The following TBC1D5 variants were observed in gnomAD, a reference collection of about 807,000 sequenced individuals.
TBC1D5 encodes the protein TBC1 domain family member 5, also known as TBC1 domain family, member 5.
Under a neutral mutation model 100.3 loss-of-function variants are expected in TBC1D5, and 75 were observed. The ratio of observed to expected loss-of-function variants is 0.75; its 90% CI spans 0.62 to 0.91. The LOEUF (loss-of-function observed/expected upper bound fraction) is 0.91. Ranked by LOEUF, TBC1D5 falls within the 40% of genes least tolerant of loss-of-function variation. TBC1D5 has a pLI of 0.00. For missense variants in TBC1D5, 910 were observed against 942.4 expected, an observed-to-expected ratio of 0.97 and a Z score of 0.45; for synonymous variants, 323 against 325.6, an observed-to-expected ratio of 0.99 and a Z score of 0.09.
In TBC1D5 at chr3:17,509,744, G is replaced by C. The variant is rs1210234765; in HGVS notation, c.-35-1139C>G. Reference sequence around the variant, plus strand: ...AGTTGTATGACATTTTTGTGACATAGGTAACTTTTTACATGCTCAAATGTA... The same window carrying C: ...AGTTGTATGACATTTTTGTGACATACGTAACTTTTTACATGCTCAAATGTA... On this transcript the variant is annotated intron_variant, in intron 2 of 21. Coordinates refer to ENST00000253692, the Ensembl canonical transcript of TBC1D5. Among the ~76,000 whole-genome samples the C allele has an allele frequency of 2.0e-5, 3 of 151,938 alleles. No homozygotes were observed. In the East Asian group the frequency reaches 5.8e-4, roughly 29 times the overall value.
chr3:17,363,683 G>A (rs547077215), intron 13 of TBC1D5, among the ~76,000 whole-genome samples: 178 of 151,666 alleles, frequency 1.2e-3, no homozygotes, highest in Admixed American at 1.7e-3. Context: ...AAAGCGCTGC[G>A]ATTATAAGCA....
At position 17,739,637 on chromosome 3, in the gene TBC1D5, T is replaced by A. The variant is rs149261224; in HGVS notation, c.-395A>T. ...TGCAAGCAAAACGAAACTGCAAATT[T>A]CAGTATCTCACTCAGAAAAGATTAC... On this transcript the variant is annotated 5_prime_UTR_variant, in exon 1 of 22. Coordinates refer to ENST00000253692, the Ensembl canonical transcript of TBC1D5. The A allele has an allele frequency of 3.3e-5, 5 of 152,320 alleles. No individual in the cohort carries two copies. In the East Asian group the frequency reaches 9.6e-4, roughly 29 times the overall value. The allele number at this position is 152,320 out of a possible 1,614,324, so 9.4% of individuals were successfully genotyped here. A position where few individuals can be genotyped will look rare whatever the true frequency, so the allele number is the denominator to read the frequency against.
At chr3:17,477,768 A>G (rs528527946) in intron 3 of TBC1D5, among the ~76,000 whole-genome samples, 2 of 152,186 alleles carry the variant, frequency 1.3e-5, no homozygotes, top group African/African-American at 4.8e-5. Context: ...AATGTTTACT[A>G]TATTGTTTAA....
At chr3:17,528,477 C>T (rs1178131112) in intron 2 of TBC1D5, among the ~76,000 whole-genome samples, 1 of 152,148 alleles carries the variant, frequency 6.6e-6, no homozygotes, top group Non-Finnish European at 1.5e-5. Context: ...CTTGATCTTG[C>T]ACTTCCTAGC....
At chr3:17,219,886 T>C (rs1246897946) in intron 17 of TBC1D5, among the ~76,000 whole-genome samples, 1 of 152,100 alleles carries the variant, frequency 6.6e-6, no homozygotes, top group Non-Finnish European at 1.5e-5. Context: ...TTGTCACTGT[T>C]CTTATGACTT....
In TBC1D5 at chr3:17,401,291, GTATGTGTATAATACACATA is replaced by G. The variant is rs1178740220; in HGVS notation, c.509+1871_509+1889del. On this transcript the variant is annotated intron_variant, in intron 8 of 21. Coordinates refer to ENST00000253692, the Ensembl canonical transcript of TBC1D5. The stretch of plus-strand genomic sequence containing the variant: ...GTATGTGTATAATACACATATATAT[GTATGTGTATAATACACATA>G]TATATGTATGTGTATAATATACATA... Among the ~76,000 whole-genome samples, 7 of 145,622 alleles carry G rather than the reference GTATGTGTATAATACACATA, an allele frequency of 4.8e-5. 2 individuals are homozygous for G. The highest frequency in any genetic ancestry group is 1.0e-4 in the Non-Finnish European group (7 of 66,930).
At chr3:17,157,481 G>T (rs2065683843) in exon 22 of TBC1D5, 1 of 152,266 alleles carries the variant, frequency 6.6e-6, no homozygotes, top group East Asian at 1.9e-4. Context: ...AGGAAGCCTG[G>T]CTTGCCAGGT....
At chr3:17,690,998 A>T (rs2071075543) in intron 1 of TBC1D5, among the ~76,000 whole-genome samples, 1 of 152,262 alleles carries the variant, frequency 6.6e-6, no homozygotes, top group Non-Finnish European at 1.5e-5. Flanking sequence ...AAAGTACAGT[A>T]TACATATAAG....
In TBC1D5 at chr3:17,367,318, T is replaced by C. The variant is rs539085250; in HGVS notation, c.995+4757A>G. Among the ~76,000 whole-genome samples, 7 of 152,308 alleles carry C rather than the reference T, an allele frequency of 4.6e-5. No individual in the cohort carries two copies. The South Asian group carries it at 8.3e-4, about 18-fold the overall frequency. ...ACATGATGTGTGATCAGTGATAGAA[T>C]TGTAACGCAAATATTTTAGATGCTT... On this transcript the variant is annotated intron_variant, in intron 13 of 21. Coordinates refer to ENST00000253692, the Ensembl canonical transcript of TBC1D5.
intron 17 of TBC1D5, among the ~76,000 whole-genome samples, chr3:17,221,153 G>A (rs372158647): frequency 6.6e-6 from 1 of 152,122 alleles, no homozygotes; most frequent in East Asian, 1.9e-4. Flanking sequence ...TTAATTCCCA[G>A]AGTCTATGAA....
At chr3:17,576,241 T>C (rs1034538598) in intron 2 of TBC1D5, among the ~76,000 whole-genome samples, 3 of 151,980 alleles carry the variant, frequency 2.0e-5, no homozygotes, top group Admixed American at 1.3e-4. Context: ...CTTAAAAAAA[T>C]GATGGGGGTT....
chr3:17,522,787 G>A (rs571767580), intron 2 of TBC1D5, among the ~76,000 whole-genome samples: 10 of 152,216 alleles, frequency 6.6e-5, no homozygotes, highest in Non-Finnish European at 1.2e-4. Flanking sequence ...TACCGTAATA[G>A]AATGTCTAAA....
chr3:17,568,639 A>C (rs563967307), intron 2 of TBC1D5, among the ~76,000 whole-genome samples: 41 of 151,698 alleles, frequency 2.7e-4, no homozygotes, highest in African/African-American at 9.2e-4. Flanking sequence ...AATAAAAAGG[A>C]ACTTTTTGTT....
At chr3:17,355,673 T>C (rs1196186371) in intron 13 of TBC1D5, among the ~76,000 whole-genome samples, 2 of 152,122 alleles carry the variant, frequency 1.3e-5, no homozygotes, top group Admixed American at 1.3e-4. Flanking sequence ...CCAAAATTTA[T>C]ACATGAAATG....
chr3:17,533,696 T>C (rs887755151), intron 2 of TBC1D5, among the ~76,000 whole-genome samples: 1 of 152,196 alleles, frequency 6.6e-6, no homozygotes, highest in East Asian at 1.9e-4. Context: ...CAGCTACGAA[T>C]GTGAATTACA....
At chr3:17,695,101 A>C (rs2071802922) in intron 1 of TBC1D5, among the ~76,000 whole-genome samples, 1 of 152,228 alleles carries the variant, frequency 6.6e-6, no homozygotes, top group Admixed American at 6.5e-5. Flanking sequence ...AGGAAGCACT[A>C]AACACGGAAA....
At chr3:17,729,568 G>A (rs888978787) in intron 1 of TBC1D5, among the ~76,000 whole-genome samples, 5 of 152,054 alleles carry the variant, frequency 3.3e-5, no homozygotes, top group Admixed American at 1.3e-4. Context: ...TTAGCTGGGC[G>A]TTGTGGTACG....
intron 2 of TBC1D5, among the ~76,000 whole-genome samples, chr3:17,551,152 T>C (rs947779336): frequency 2.0e-5 from 3 of 152,142 alleles, no homozygotes; most frequent in Admixed American, 6.6e-5. Context: ...GGCTACACCA[T>C]TGCTTTGCAG....
intron 3 of TBC1D5, among the ~76,000 whole-genome samples, chr3:17,449,377 G>C (rs1053887956): frequency 8.5e-5 from 13 of 152,280 alleles, no homozygotes; most frequent in African/African-American, 2.6e-4. Context: ...GAATGCCAGA[G>C]AGAGAGAATT....
Sources: gnomAD v4.1 joint callset for allele counts (sites outside exome capture counted in the v4.1 genomes callset) on GRCh38, gnomAD v4.1.1 for gene constraint, MANE v1.5 for transcripts, NCBI Gene and HGNC (gene_info 2026-07-23, HGNC 2026-07-21) for gene names.